The following DIP2C variants were observed in gnomAD, a reference collection of about 807,000 sequenced individuals.
DIP2C encodes the protein disco-interacting protein 2 homolog C.
In DIP2C, 33 loss-of-function variants were observed where a neutral mutation model predicts 192.4. That is an observed-to-expected ratio of 0.17 (90% confidence interval 0.13 to 0.23). The LOEUF (loss-of-function observed/expected upper bound fraction) is 0.23, where lower values mean the gene tolerates loss of function less well. Among genes scored for constraint, DIP2C ranks in the 10% least tolerant of loss-of-function variants. The pLI, the probability that DIP2C is intolerant of heterozygous loss-of-function variation, is 1.00. For synonymous variants in DIP2C, 979 were observed against 864.1 expected (o/e 1.13, Z -2.33); for missense variants, 1,537 against 2,110.1 (o/e 0.73, Z 5.32).
chr10:604,900 G>C (rs942074225), intron 1 of DIP2C, among the ~76,000 whole-genome samples: 1 of 152,200 alleles, frequency 6.6e-6, no homozygotes, highest in Non-Finnish European at 1.5e-5. Context: ...CCGAGTTTCT[G>C]TCAGAAGTGG....
At position 619,281 on chromosome 10, in the gene DIP2C, G is replaced by A. The variant is rs141638683; in HGVS notation, c.85+70213C>T. Reference sequence around the variant, plus strand: ...CCAAACTTAGTGCCCCAAACAACACGAACTTATTTTCTCACATTTCTGGAA... The same window carrying A: ...CCAAACTTAGTGCCCCAAACAACACAAACTTATTTTCTCACATTTCTGGAA... On this transcript the variant is annotated intron_variant, in intron 1 of 36. Coordinates refer to ENST00000280886, the MANE Select transcript of DIP2C (RefSeq NM_014974.3). Among the ~76,000 whole-genome samples the A allele has an allele frequency of 4.3e-3, 647 of 152,232 alleles. 2 individuals are homozygous for A. The highest frequency in any genetic ancestry group is 0.01 in the Middle Eastern group (3 of 294).
chr10:639,058 G>A (rs900353346), intron 1 of DIP2C, among the ~76,000 whole-genome samples: 1 of 152,268 alleles, frequency 6.6e-6, no homozygotes, highest in Admixed American at 6.5e-5. Flanking sequence ...TCACCTGCCT[G>A]CATGATGGAG....
chr10:382,409 C>T (rs1055471962), intron 17 of DIP2C, among the ~76,000 whole-genome samples: 1 of 152,150 alleles, frequency 6.6e-6, no homozygotes, highest in African/African-American at 2.4e-5. Flanking sequence ...GACAGTTCCA[C>T]TTATTAAGGA....
intron 1 of DIP2C, among the ~76,000 whole-genome samples, chr10:521,221 A>T (rs547438277): frequency 6.6e-6 from 1 of 152,348 alleles, no homozygotes; most frequent in African/African-American, 2.4e-5. Context: ...AAAAACAACC[A>T]GAAATGCTGC....
At chr10:431,086 A>G (rs1379684824) in intron 4 of DIP2C, among the ~76,000 whole-genome samples, 1 of 152,176 alleles carries the variant, frequency 6.6e-6, no homozygotes, top group African/African-American at 2.4e-5. Context: ...TCTTTCACCA[A>G]TACCACACTG....
chr10:361,726 T>C lies in DIP2C; in HGVS notation c.2794+764A>G, dbSNP rs111344643. Reference sequence around the variant, plus strand: ...ACAGAAACAGCCTGGGGAGAGCAACTGCCTCCGTGTCCTTCACAAGGCTGT... The same window carrying C: ...ACAGAAACAGCCTGGGGAGAGCAACCGCCTCCGTGTCCTTCACAAGGCTGT... On this transcript the variant is annotated intron_variant, in intron 22 of 36. Coordinates refer to ENST00000280886, the MANE Select transcript of DIP2C (RefSeq NM_014974.3). Among the ~76,000 whole-genome samples the C allele has an allele frequency of 7.9e-3, 1,205 of 152,256 alleles. 17 individuals are homozygous for C. Among genetic ancestry groups the C allele is most frequent in the African/African-American group, 0.028 (1,156 of 41,542 alleles).
intron 18 of DIP2C, among the ~76,000 whole-genome samples, chr10:369,003 C>T (rs770688602): frequency 1.3e-5 from 2 of 152,240 alleles, no homozygotes; most frequent in East Asian, 1.9e-4. Flanking sequence ...GGCGCTTCCT[C>T]ATGCATCTGT....
chr10:378,588 G>T (rs200139721), intron 17 of DIP2C, among the ~76,000 whole-genome samples: 216 of 85,572 alleles, frequency 2.5e-3, no homozygotes, highest in African/African-American at 0.01. Flanking sequence ...TGTGAACGCA[G>T]ACATAGACAC....
chr10:687,291 G>A (rs1831371323), intron 1 of DIP2C, among the ~76,000 whole-genome samples: 1 of 152,204 alleles, frequency 6.6e-6, no homozygotes, highest in Non-Finnish European at 1.5e-5. Flanking sequence ...GTTTTATGTG[G>A]TTATGAGACA....
rs190418755 is a variant in DIP2C at position 473,051 on chromosome 10, T to C, written c.158-502A>G. Among the ~76,000 whole-genome samples the C allele has an allele frequency of 2.0e-5, 3 of 152,316 alleles. No individual in the cohort carries two copies. The East Asian group carries it at 5.8e-4, about 29-fold the overall frequency. ...TACCATGAACGTCCAGCTTTGCTCATTCCAGATTACTCTCTGGAAACTTAC... is the reference window on the plus strand; with the variant it reads ...TACCATGAACGTCCAGCTTTGCTCACTCCAGATTACTCTCTGGAAACTTAC... On this transcript the variant is annotated intron_variant, in intron 2 of 36. Transcript: ENST00000280886.
chr10:327,785 G>C (rs1055804018), intron 30 of DIP2C, among the ~76,000 whole-genome samples: 1 of 152,090 alleles, frequency 6.6e-6, no homozygotes, highest in African/African-American at 2.4e-5. Context: ...GTCCCATTAC[G>C]CCAAGAATTT....
chr10:517,570 CTCA>C (rs1846440526), intron 1 of DIP2C, among the ~76,000 whole-genome samples: 1 of 152,196 alleles, frequency 6.6e-6, no homozygotes, highest in Non-Finnish European at 1.5e-5. Flanking sequence ...AGAATAATTC[CTCA>C]TGATACCCAG....
chr10:519,314 G>A (rs1588372022), intron 1 of DIP2C, among the ~76,000 whole-genome samples: 1 of 152,254 alleles, frequency 6.6e-6, no homozygotes, highest in South Asian at 2.1e-4. Context: ...TGAGGTGGAT[G>A]CCATGGAAGG....
chr10:481,014 G>C (rs948283665), intron 2 of DIP2C, among the ~76,000 whole-genome samples: 1 of 152,200 alleles, frequency 6.6e-6, no homozygotes, highest in South Asian at 2.1e-4. Context: ...CAACCTGCCC[G>C]GGACAGGTCC....
At chr10:446,573 C>T (rs1968239559) in intron 3 of DIP2C, among the ~76,000 whole-genome samples, 1 of 152,324 alleles carries the variant, frequency 6.6e-6, no homozygotes, top group Admixed American at 6.5e-5. Context: ...TTTAGTTCTC[C>T]TGACTCACTT....
Position 362,590 on chromosome 10 carries a change from TG to T in DIP2C, c.2693del (p.Thr898LysfsTer16). Reference sequence around the variant, plus strand: ...GAGAGCCCTCCAGAAAAAGCTGTTTTGTTTCTGATAAATGGATCCCACCAAG... The same window carrying T: ...GAGAGCCCTCCAGAAAAAGCTGTTTTTTTCTGATAAATGGATCCCACCAAG... Reference protein sequence around the residue: ...TPLGGIHLSETKQLFLEGSLH... With the variant: ...TPLGGIHLSEXKQLFLEGSLH... On this transcript the variant is annotated frameshift_variant, in exon 22 of 37. Transcript: ENST00000280886. LOFTEE classifies it high-confidence loss of function. The T allele has an allele frequency of 6.2e-7, 1 of 1,614,202 alleles. No homozygotes were observed. Among genetic ancestry groups the T allele is most frequent in the Non-Finnish European group, 8.5e-7 (1 of 1,180,036 alleles).
chr10:327,497 A>G (rs1045387563), intron 30 of DIP2C, among the ~76,000 whole-genome samples: 4 of 152,228 alleles, frequency 2.6e-5, no homozygotes, highest in Non-Finnish European at 4.4e-5. Flanking sequence ...CGTTCGGGAA[A>G]AGAGAGCCAT....
chr10:577,710 T>C (rs192878355), intron 1 of DIP2C, among the ~76,000 whole-genome samples: 95 of 152,322 alleles, frequency 6.2e-4, no homozygotes, highest in African/African-American at 2.1e-3. Flanking sequence ...GCTAAATAAC[T>C]AGTAATGATG....
chr10:594,701 T>C (rs1851602316), intron 1 of DIP2C, among the ~76,000 whole-genome samples: 1 of 152,106 alleles, frequency 6.6e-6, no homozygotes, highest in Non-Finnish European at 1.5e-5. Context: ...ACACCCCTAG[T>C]GAAGGGCAGG....
Sources: gnomAD v4.1 joint callset for allele counts (sites outside exome capture counted in the v4.1 genomes callset) on GRCh38, gnomAD v4.1.1 for gene constraint, MANE v1.5 for transcripts, NCBI Gene and HGNC (gene_info 2026-07-23, HGNC 2026-07-21) for gene names.